GPHN: variants seen among roughly 807,000 people sequenced by gnomAD.
GPHN encodes gephyrin.
Under a neutral mutation model 95.5 loss-of-function variants are expected in GPHN, and 17 were observed. The observed-to-expected ratio is 0.18, with a 90% confidence interval of 0.12 to 0.27. The LOEUF (loss-of-function observed/expected upper bound fraction) is 0.27. Among genes scored for constraint, GPHN ranks in the 10% least tolerant of loss-of-function variants. GPHN has a pLI of 1.00. For missense variants in GPHN, 660 were observed against 978.1 expected (o/e 0.67, Z 4.34); for synonymous variants, 320 against 322.5 (o/e 0.99, Z 0.08).
At chr14:67,053,921 G>C (rs1201444177) in intron 10 of GPHN, among the ~76,000 whole-genome samples, 2 of 152,136 alleles carry the variant, frequency 1.3e-5, no homozygotes, top group Non-Finnish European at 1.5e-5. Context: ...TTCCCTTCAT[G>C]TTAAAAACTT....
intron 2 of GPHN, among the ~76,000 whole-genome samples, chr14:66,684,185 C>T (rs1374295209): frequency 6.6e-6 from 1 of 152,042 alleles, no homozygotes; most frequent in African/African-American, 2.4e-5. Context: ...GCTGCTGATA[C>T]TGAAAGGAGT....
At chr14:66,707,533 A>G (rs563670744) in intron 2 of GPHN, among the ~76,000 whole-genome samples, 33 of 152,328 alleles carry the variant, frequency 2.2e-4, no homozygotes, top group Non-Finnish European at 1.2e-4. Flanking sequence ...GTGAAGCTGG[A>G]AGTCATCATC....
chr14:66,824,652 A>C (rs1053394768), intron 4 of GPHN, 86 bp downstream of exon 4: 2 of 683,330 alleles, frequency 2.9e-6, no homozygotes, highest in Non-Finnish European at 5.1e-6. Context: ...TATTATTTTT[A>C]TAACTTTGCT....
chr14:66,643,590 ATAAACT>A (rs1212266415), intron 1 of GPHN, among the ~76,000 whole-genome samples: 2 of 152,044 alleles, frequency 1.3e-5, no homozygotes, highest in Non-Finnish European at 2.9e-5. Flanking sequence ...GATGAATCTC[ATAAACT>A]TAATGTTCTG....
At chr14:67,423,458 G>A in the GPHN span, among the ~76,000 whole-genome samples, 3 of 152,122 alleles carry the variant, frequency 2.0e-5, no homozygotes, top group Admixed American at 6.5e-5. Flanking sequence ...TGACAGAAGA[G>A]GGGGCTCTGA....
At chr14:66,760,574 C>A in intron 2 of GPHN, 1 of 369,320 alleles carries the variant, frequency 2.7e-6, no homozygotes, top group South Asian at 2.5e-5. Flanking sequence ...GCCCATCTAC[C>A]CTGGCCACAG....
the GPHN span, among the ~76,000 whole-genome samples, chr14:67,477,121 G>A: frequency 2.0e-5 from 3 of 150,366 alleles, no homozygotes; most frequent in African/African-American, 4.9e-5. Context: ...AGTCGCGATC[G>A]CACCATTGCA....
the GPHN span, among the ~76,000 whole-genome samples, chr14:67,455,166 C>T: frequency 0.019 from 2,823 of 152,296 alleles, 89 homozygotes; most frequent in African/African-American, 0.065. Context: ...TTATTGAGCA[C>T]GGTCAGATGC....
chr14:67,444,034 A>C, the GPHN span, among the ~76,000 whole-genome samples: 3 of 152,192 alleles, frequency 2.0e-5, no homozygotes, highest in Admixed American at 6.5e-5. Context: ...CAGAAACTCA[A>C]AACAATGCAA....
At chr14:66,761,400 AGGG>A (rs1451969941) in intron 2 of GPHN, among the ~76,000 whole-genome samples, 1 of 152,188 alleles carries the variant, frequency 6.6e-6, no homozygotes, top group African/African-American at 2.4e-5. Flanking sequence ...ATATTATAGA[AGGG>A]GGGATACAAC....
chr14:67,662,462 G>C, the GPHN span: 13 of 1,610,604 alleles, frequency 8.1e-6, no homozygotes, highest in South Asian at 1.3e-4. Context: ...AACAAAATTT[G>C]TTCCTTGTTC....
At chr14:67,431,533 A>T in the GPHN span, among the ~76,000 whole-genome samples, 2 of 151,836 alleles carry the variant, frequency 1.3e-5, no homozygotes, top group African/African-American at 4.8e-5. Flanking sequence ...TACCCAAAAC[A>T]TTTTAAAAAT....
chr14:66,879,680 C>T (rs2063837876), intron 4 of GPHN, among the ~76,000 whole-genome samples: 1 of 152,044 alleles, frequency 6.6e-6, no homozygotes, highest in Admixed American at 6.6e-5. Flanking sequence ...GATGAGATTT[C>T]TATCAAATAC....
intron 9 of GPHN, among the ~76,000 whole-genome samples, chr14:66,998,888 A>T (rs995376): frequency 0.22 from 31,664 of 142,416 alleles, 3,756 homozygotes; most frequent in African/African-American, 0.31. Context: ...AAAAAAAAAA[A>T]ATATATATAT....
At chr14:67,678,315 T>C in the GPHN span, 3 of 1,585,540 alleles carry the variant, frequency 1.9e-6, no homozygotes, top group Non-Finnish European at 2.6e-6. Flanking sequence ...CAACTGGCAC[T>C]GCCTGTTAGT....
chr14:67,568,759 C>T, the GPHN span, among the ~76,000 whole-genome samples: 1 of 152,040 alleles, frequency 6.6e-6, no homozygotes, highest in Non-Finnish European at 1.5e-5. Flanking sequence ...ATCTTGAGAC[C>T]CAAGGGTCTC....
intron 1 of GPHN, among the ~76,000 whole-genome samples, chr14:66,629,082 T>TAC (rs1407545276): frequency 2.2e-5 from 3 of 138,050 alleles, no homozygotes; most frequent in Admixed American, 7.7e-5. Flanking sequence ...AAAAAATACA[T>TAC]ATATATATAT....
chr14:66,975,575 C>T (rs901502067), intron 9 of GPHN, among the ~76,000 whole-genome samples: 2 of 152,038 alleles, frequency 1.3e-5, no homozygotes, highest in Non-Finnish European at 2.9e-5. Flanking sequence ...CAGCCCTAGG[C>T]TACCATATTA....
chr14:66,818,728 A>C (rs960937802), intron 3 of GPHN, among the ~76,000 whole-genome samples: 2 of 152,338 alleles, frequency 1.3e-5, no homozygotes, highest in African/African-American at 4.8e-5. Context: ...AACAGTGTAA[A>C]AGTGTCCCTT....
Sources: gnomAD v4.1 joint callset for allele counts (sites outside exome capture counted in the v4.1 genomes callset) on GRCh38, gnomAD v4.1.1 for gene constraint, MANE v1.5 for transcripts, NCBI Gene and HGNC (gene_info 2026-07-23, HGNC 2026-07-21) for gene names.